LIN28B: variants seen among roughly 807,000 people sequenced by gnomAD.
The protein encoded by LIN28B is lin-28 RNA binding posttranscriptional regulator B.
LIN28B carries 5 observed loss-of-function variants against 21.9 expected under a neutral mutation model. The ratio of observed to expected loss-of-function variants is 0.23; its 90% CI spans 0.12 to 0.48. The LOEUF (loss-of-function observed/expected upper bound fraction) is 0.48. LIN28B is among the 20% of genes least tolerant of loss of function. The pLI, the probability that LIN28B is intolerant of heterozygous loss-of-function variation, is 0.98. For missense variants in LIN28B, 245 were observed against 310.5 expected, an observed-to-expected ratio of 0.79 and a Z score of 1.58; for synonymous variants, 109 against 111.3, an observed-to-expected ratio of 0.98 and a Z score of 0.13.
chr6:105,059,075 G>C (rs969443728), intron 3 of LIN28B, among the ~76,000 whole-genome samples: 1 of 152,024 alleles, frequency 6.6e-6, no homozygotes, highest in African/African-American at 2.4e-5. Context: ...TTTTGTATTC[G>C]TTTTATGTTC....
chr6:105,057,770 TTTAAA>T (rs1345058211), intron 3 of LIN28B, among the ~76,000 whole-genome samples: 6 of 152,176 alleles, frequency 3.9e-5, no homozygotes, highest in African/African-American at 1.2e-4. Context: ...ATATAGATAG[TTTAAA>T]TTATATGTAT....
chr6:105,012,175 A>C (rs926640534), intron 2 of LIN28B, among the ~76,000 whole-genome samples: 1 of 150,908 alleles, frequency 6.6e-6, no homozygotes, highest in Non-Finnish European at 1.5e-5. Context: ...AAATAAAATA[A>C]ACCGACCTTG....
At chr6:104,986,451 A>G (rs1393222423) in intron 2 of LIN28B, among the ~76,000 whole-genome samples, 2 of 151,032 alleles carry the variant, frequency 1.3e-5, no homozygotes, top group East Asian at 1.9e-4. Flanking sequence ...AAGTTCTCCA[A>G]TCTCATTTTT....
chr6:104,990,870 G>C (rs1192513772), intron 2 of LIN28B, among the ~76,000 whole-genome samples: 1 of 152,236 alleles, frequency 6.6e-6, no homozygotes, highest in African/African-American at 2.4e-5. Flanking sequence ...AGAGAGCACC[G>C]GGTTGGGGGT....
chr6:104,953,138 T>G (rs9404590), upstream of LIN28B, among the ~76,000 whole-genome samples: 23,524 of 152,142 alleles, frequency 0.15, 1,979 homozygotes, highest in East Asian at 0.26. Flanking sequence ...GCGGGAGAGA[T>G]CTTGCCAGGG....
intron 2 of LIN28B, among the ~76,000 whole-genome samples, chr6:105,000,500 T>G (rs1486784318): frequency 6.6e-6 from 1 of 152,178 alleles, no homozygotes; most frequent in Non-Finnish European, 1.5e-5. Context: ...CACATTTCCA[T>G]GCAAAATTCT....
intron 3 of LIN28B, among the ~76,000 whole-genome samples, chr6:105,038,663 C>T (rs1357161685): frequency 6.6e-6 from 1 of 152,134 alleles, no homozygotes; most frequent in Non-Finnish European, 1.5e-5. Flanking sequence ...ACTGACATTT[C>T]AATCTAGCAT....
intron 2 of LIN28B, among the ~76,000 whole-genome samples, chr6:104,958,954 A>ATTTT (rs1769653367): frequency 6.6e-6 from 1 of 152,176 alleles, no homozygotes; most frequent in Non-Finnish European, 1.5e-5. Context: ...GAACTCAAAA[A>ATTTT]AACATGTGGC....
chr6:105,020,506 A>G (rs1335632864), intron 2 of LIN28B, among the ~76,000 whole-genome samples: 1 of 151,654 alleles, frequency 6.6e-6, no homozygotes. Flanking sequence ...TTTTGTAGAG[A>G]TGGGGTTTCG....
In LIN28B at chr6:105,039,563, A is replaced by T. The variant is rs150159506; in HGVS notation, c.383+13081A>T. On this transcript the variant is annotated intron_variant, in intron 3 of 3. Coordinates refer to ENST00000345080, the MANE Select transcript of LIN28B (RefSeq NM_001004317.4). ...TATTATGTATTATGTATGGATACTT[A>T]CATGTGTGGCAAAAATGTGAAAACA... Among the ~76,000 whole-genome samples the T allele has an allele frequency of 1.8e-3, 279 of 152,230 alleles. 1 individual carries two copies. The highest frequency in any genetic ancestry group is 6.4e-3 in the African/African-American group (265 of 41,574).
In LIN28B at chr6:105,078,524, C is replaced by T; in HGVS notation, c.494C>T (p.Pro165Leu). 1 of 1,614,068 alleles carries T rather than the reference C, an allele frequency of 6.2e-7. No homozygotes were observed. Among genetic ancestry groups the T allele is most frequent in the East Asian group, 2.2e-5 (1 of 44,866 alleles). ...QSIMHMVANC[P>L]HKNVAQPPAS... ...ATCATGCACATGGTGGCAAACTGCC[C>T]ACATAAAAATGTTGCACAGCCACCC... Residue 165 changes from proline to leucine, a missense_variant, in exon 4 of 4, where the codon CCA becomes CTA. Coordinates refer to ENST00000345080, the MANE Select transcript of LIN28B (RefSeq NM_001004317.4).
Position 105,081,126 on chromosome 6 carries a change from C to T in LIN28B, c.*2343C>T, listed in dbSNP as rs532861363. The T allele has an allele frequency of 6.6e-6, 1 of 152,578 alleles. No individual in the cohort carries two copies. The highest frequency in any genetic ancestry group is 1.5e-5 in the Non-Finnish European group (1 of 68,032). 9.5% of individuals were successfully genotyped at this position (152,578 alleles called of 1,614,324 possible). ...TACATAACATACTCAGGACAAAGAA[C>T]TTTGCTCAGGGAACATACCATGTAA... is the stretch of plus-strand genomic sequence containing the variant. On this transcript the variant is annotated 3_prime_UTR_variant, in exon 4 of 4. Transcript: ENST00000345080.
chr6:105,023,506 T>TTATATAATA (rs1562096517), intron 2 of LIN28B, among the ~76,000 whole-genome samples: 1 of 4,170 alleles, frequency 2.4e-4, no homozygotes, highest in African/African-American at 6.3e-4. Flanking sequence ...TATAATTATA[T>TTATATAATA]TATATAATAT....
intron 2 of LIN28B, among the ~76,000 whole-genome samples, chr6:105,021,961 A>G (rs1186876176): frequency 6.6e-6 from 1 of 152,214 alleles, no homozygotes; most frequent in Non-Finnish European, 1.5e-5. Flanking sequence ...TCAGAGAAAT[A>G]TAAGTTATCC....
At chr6:105,056,039 G>A (rs571266523) in intron 3 of LIN28B, among the ~76,000 whole-genome samples, 98 of 146,856 alleles carry the variant, frequency 6.7e-4, no homozygotes, top group African/African-American at 2.3e-3. Context: ...GGGATTACAA[G>A]CATGAGCCAC....
At chr6:104,954,892 A>T (rs1778265208), upstream of LIN28B, among the ~76,000 whole-genome samples, 1 of 152,202 alleles carries the variant, frequency 6.6e-6, no homozygotes, top group Non-Finnish European at 1.5e-5. Flanking sequence ...CTACATTATT[A>T]TGCTTCTGGT....
chr6:104,981,527 T>C (rs779242951), intron 2 of LIN28B, among the ~76,000 whole-genome samples: 1 of 152,238 alleles, frequency 6.6e-6, no homozygotes, highest in African/African-American at 2.4e-5. Flanking sequence ...AATTCTTGGC[T>C]TTCAGTTATC....
At chr6:104,977,783 G>T (rs1055191362) in intron 2 of LIN28B, among the ~76,000 whole-genome samples, 4 of 152,088 alleles carry the variant, frequency 2.6e-5, no homozygotes, top group Non-Finnish European at 5.9e-5. Context: ...AGCCAGGCTG[G>T]TCTTGAACTC....
At chr6:105,029,150 A>G (rs1030300764) in intron 3 of LIN28B, among the ~76,000 whole-genome samples, 2 of 152,212 alleles carry the variant, frequency 1.3e-5, no homozygotes, top group African/African-American at 4.8e-5. Flanking sequence ...GGTTGTGTTC[A>G]ATACAGAGAA....
Sources: gnomAD v4.1 joint callset for allele counts (sites outside exome capture counted in the v4.1 genomes callset) on GRCh38, gnomAD v4.1.1 for gene constraint, MANE v1.5 for transcripts, NCBI Gene and HGNC (gene_info 2026-07-23, HGNC 2026-07-21) for gene names.